Variants in WDSUB1 observed in about 807,000 individuals in gnomAD.
WDSUB1 encodes WD repeat, sterile alpha motif and U-box domain containing 1, also known as WD repeat, SAM and U-box domain-containing protein 1.
In WDSUB1, 49 loss-of-function variants were observed where a neutral mutation model predicts 53.9. The ratio of observed to expected loss-of-function variants is 0.91; its 90% CI spans 0.72 to 1.15. The LOEUF is 1.15. Ranked by LOEUF, WDSUB1 falls within the 50% of genes most tolerant of loss-of-function variation. The pLI is 0.00. For missense variants in WDSUB1, 514 were observed against 562.0 expected (o/e 0.91, Z 0.86); for synonymous variants, 194 against 200.6 (o/e 0.97, Z 0.28).
At chr2:159,281,672 AAAG>A (rs374727130) in intron 2 of WDSUB1, among the ~76,000 whole-genome samples, 63,920 of 151,990 alleles carry the variant, frequency 0.42, 14,727 homozygotes, top group Non-Finnish European at 0.54. Flanking sequence ...ACATACTATT[AAAG>A]CTTTACATAC....
chr2:159,243,306 G>A lies in WDSUB1; in HGVS notation c.1273+5066C>T, dbSNP rs563037919. Among the ~76,000 whole-genome samples the A allele has an allele frequency of 6.1e-5, 9 of 147,554 alleles. 1 individual carries two copies. The highest frequency in any genetic ancestry group is 1.3e-4 in the African/African-American group (5 of 37,766). ...TTAGTGGTTTCCAGGGGCTGGGGTC[G>A]GAAGACAGTAGGGAGATCATGGGTC... On this transcript the variant is annotated intron_variant, in intron 10 of 10. Coordinates refer to ENST00000359774, the MANE Select transcript of WDSUB1 (RefSeq NM_001128212.3).
intron 4 of WDSUB1, among the ~76,000 whole-genome samples, chr2:159,272,143 G>C (rs796537810): frequency 3.4e-4 from 52 of 152,348 alleles, no homozygotes; most frequent in African/African-American, 1.2e-3. Context: ...GTACATACAG[G>C]TGGTAGAGGT....
intron 10 of WDSUB1, among the ~76,000 whole-genome samples, chr2:159,240,927 C>T (rs1258705666): frequency 6.6e-6 from 1 of 152,178 alleles, no homozygotes; most frequent in Non-Finnish European, 1.5e-5. Context: ...CCAAGAAAAA[C>T]ACCTAGAAAG....
chr2:159,246,901 T>C (rs756901213), intron 10 of WDSUB1, among the ~76,000 whole-genome samples: 19 of 152,220 alleles, frequency 1.2e-4, no homozygotes, highest in Non-Finnish European at 2.4e-4. Flanking sequence ...GAAGGAAATG[T>C]TGGATTGGTA....
chr2:159,264,524 T>C (rs2061296118), intron 5 of WDSUB1, among the ~76,000 whole-genome samples: 1 of 152,186 alleles, frequency 6.6e-6, no homozygotes, highest in Non-Finnish European at 1.5e-5. Context: ...AGAAACCTAT[T>C]TCCCACCCCT....
At chr2:159,272,022 T>G (rs1484096372) in intron 4 of WDSUB1, among the ~76,000 whole-genome samples, 1 of 152,224 alleles carries the variant, frequency 6.6e-6, no homozygotes, top group Non-Finnish European at 1.5e-5. Flanking sequence ...TTTAAAGAAT[T>G]GAAGTAGCTT....
At chr2:159,272,520 A>G (rs2061464348) in intron 4 of WDSUB1, among the ~76,000 whole-genome samples, 1 of 152,208 alleles carries the variant, frequency 6.6e-6, no homozygotes, top group Admixed American at 6.5e-5. Context: ...CCTGTCTCAC[A>G]TTTCAAAAGC....
chr2:159,240,085 C>T (rs2060604534), intron 10 of WDSUB1, among the ~76,000 whole-genome samples: 1 of 152,174 alleles, frequency 6.6e-6, no homozygotes. Flanking sequence ...GTGGCCACCT[C>T]TAACTGACTT....
intron 5 of WDSUB1, among the ~76,000 whole-genome samples, chr2:159,267,951 A>G (rs2061377116): frequency 6.6e-6 from 1 of 152,222 alleles, no homozygotes; most frequent in Non-Finnish European, 1.5e-5. Flanking sequence ...TGTGACCTTG[A>G]GCAACACCAT....
chr2:159,258,670 T>G (rs2061122177), intron 6 of WDSUB1, among the ~76,000 whole-genome samples: 1 of 152,042 alleles, frequency 6.6e-6, no homozygotes, highest in African/African-American at 2.4e-5. Flanking sequence ...AAAAAACAAA[T>G]AAATAAATTA....
At chr2:159,274,008 T>C (rs964921769) in intron 4 of WDSUB1, among the ~76,000 whole-genome samples, 1 of 151,998 alleles carries the variant, frequency 6.6e-6, no homozygotes, top group African/African-American at 2.4e-5. Context: ...AGATTCCCCA[T>C]GAAAATGTCA....
intron 5 of WDSUB1, among the ~76,000 whole-genome samples, chr2:159,260,855 C>A (rs183459837): frequency 3.2e-4 from 49 of 152,262 alleles, no homozygotes; most frequent in African/African-American, 1.1e-3. Context: ...CCACACTCTG[C>A]AGAACATTAA....
chr2:159,246,461 A>G (rs1431585040), intron 10 of WDSUB1, among the ~76,000 whole-genome samples: 2 of 151,288 alleles, frequency 1.3e-5, no homozygotes, highest in South Asian at 2.1e-4. Context: ...ACAATGAGAT[A>G]CCACTTCATA....
At chr2:159,282,065 A>AT (rs1439332746) in intron 2 of WDSUB1, among the ~76,000 whole-genome samples, 2 of 106,722 alleles carry the variant, frequency 1.9e-5, no homozygotes, top group South Asian at 2.5e-4. Context: ...AACTCTTACA[A>AT]TTAAAAAAAA....
intron 10 of WDSUB1, among the ~76,000 whole-genome samples, chr2:159,243,173 A>T (rs1167880638): frequency 1.4e-5 from 2 of 148,096 alleles, no homozygotes; most frequent in Non-Finnish European, 2.9e-5. Flanking sequence ...AAGGTTAAAA[A>T]TAAATGAGTG....
intron 2 of WDSUB1, among the ~76,000 whole-genome samples, chr2:159,281,088 G>T (rs1398446537): frequency 6.6e-6 from 1 of 152,176 alleles, no homozygotes; most frequent in African/African-American, 2.4e-5. Context: ...AAGCTTAAAT[G>T]AGCAATAGTT....
chr2:159,277,064 T>C (rs1438171573), intron 3 of WDSUB1, among the ~76,000 whole-genome samples: 1 of 152,214 alleles, frequency 6.6e-6, no homozygotes, highest in African/African-American at 2.4e-5. Context: ...ATTTTCAGTA[T>C]ATAAAATTTA....
At chr2:159,277,768 T>C (rs2061573639) in intron 3 of WDSUB1, among the ~76,000 whole-genome samples, 1 of 152,234 alleles carries the variant, frequency 6.6e-6, no homozygotes, top group African/African-American at 2.4e-5. Context: ...CACAAATTCC[T>C]ACAATAATCA....
intron 5 of WDSUB1, among the ~76,000 whole-genome samples, chr2:159,267,501 C>T (rs545644373): frequency 6.7e-4 from 101 of 151,762 alleles, no homozygotes; most frequent in Non-Finnish European, 1.2e-3. Context: ...GACTGGGTCT[C>T]ACTGTGTTGT....
Sources: gnomAD v4.1 joint callset for allele counts (sites outside exome capture counted in the v4.1 genomes callset) on GRCh38, gnomAD v4.1.1 for gene constraint, MANE v1.5 for transcripts, NCBI Gene and HGNC (gene_info 2026-07-23, HGNC 2026-07-21) for gene names.